The following SNHG17 variants were observed in gnomAD, a reference collection of about 807,000 sequenced individuals.
SNHG17 encodes the protein small nucleolar RNA host gene 17 (non-protein coding).
At chr20:38,426,167 C>T (rs2084245466) in intron 4 of SNHG17, 1 of 152,412 alleles carries the variant, frequency 6.6e-6, no homozygotes. Flanking sequence ...AGTACTCCTC[C>T]CACTTCAACA....
rs6128073 is a variant in SNHG17 at position 38,435,324 on chromosome 20, G to A, written n.58C>T. The stretch of plus-strand genomic sequence containing the variant: ...GCGAAGGACGGCGAGGGACGGCGAA[G>A]GACTGAGGCCACACGACAAGGAAGC... On this transcript the variant is annotated non_coding_transcript_exon_variant, in exon 1 of 9. Transcript: ENST00000654008. 1.3e-5 allele frequency: 16 copies of A among 1,231,270 alleles called. No individual in the cohort carries two copies. In the East Asian group the frequency reaches 1.9e-4, roughly 15 times the overall value. 76.3% of individuals were successfully genotyped at this position (1,231,270 alleles called of 1,614,324 possible).
At chr20:38,430,650 A>G (rs2084327957) in intron 3 of SNHG17, 1 of 152,334 alleles carries the variant, frequency 6.6e-6, no homozygotes, top group African/African-American at 2.4e-5. Context: ...TAAATAACAG[A>G]CTGGGCTGGA....
intron 3 of SNHG17, among the ~76,000 whole-genome samples, chr20:38,430,248 G>C (rs182849935): frequency 2.6e-5 from 4 of 152,158 alleles, no homozygotes; most frequent in Middle Eastern, 3.4e-3. Context: ...TTGAACCCGG[G>C]AAGTGGAGGT....
At chr20:38,434,006 AG>A (rs759947564) in intron 2 of SNHG17, 2 of 518,758 alleles carry the variant, frequency 3.9e-6, no homozygotes, top group South Asian at 2.8e-5. Context: ...GGTGCAAAAA[AG>A]GGCAGGTGAG....
At chr20:38,428,326 G>A (rs1423839418) in intron 3 of SNHG17, 1 of 152,210 alleles carries the variant, frequency 6.6e-6, no homozygotes, top group Non-Finnish European at 1.5e-5. Flanking sequence ...CTGGATCTGG[G>A]AATCCATAGG....
chr20:38,422,763 A>ACG (rs2084179209), intron 5 of SNHG17, among the ~76,000 whole-genome samples: 1 of 152,120 alleles, frequency 6.6e-6, no homozygotes, highest in Non-Finnish European at 1.5e-5. Context: ...ACACACACAC[A>ACG]CGCACACACA....
At chr20:38,434,441 T>C (rs1446310098) in intron 2 of SNHG17, 1 of 185,236 alleles carries the variant, frequency 5.4e-6, no homozygotes, top group East Asian at 1.6e-4. Flanking sequence ...TCATTGACTG[T>C]CCCCTCTACT....
chr20:38,434,843 C>T, intron 1 of SNHG17: 1 of 985,344 alleles, frequency 1.0e-6, no homozygotes, highest in South Asian at 4.7e-5. Flanking sequence ...ACTTTGTAGG[C>T]AACAGTCAAG....
chr20:38,429,851 T>C (rs1250976313), intron 3 of SNHG17: 1 of 510,030 alleles, frequency 2.0e-6, no homozygotes, highest in African/African-American at 1.9e-5. Context: ...ATGCTGGCAT[T>C]CCGGGCAATG....
At chr20:38,431,505 T>G (rs2084341373) in intron 2 of SNHG17, among the ~76,000 whole-genome samples, 1 of 152,178 alleles carries the variant, frequency 6.6e-6, no homozygotes, top group African/African-American at 2.4e-5. Context: ...ATGAAGCAGC[T>G]TCCATCTTGT....
At chr20:38,434,517 C>T (rs756818954) in exon 2 of SNHG17, 5 of 167,098 alleles carry the variant, frequency 3.0e-5, no homozygotes, top group Non-Finnish European at 3.9e-5. Context: ...GGGGCATTCT[C>T]ACCCCGCGGA....
chr20:38,430,942 C>T (rs2084332569), intron 3 of SNHG17: 2 of 152,838 alleles, frequency 1.3e-5, no homozygotes, highest in African/African-American at 4.8e-5. Flanking sequence ...GCAGCCTTCA[C>T]CGGTGTCCTC....
intron 3 of SNHG17, among the ~76,000 whole-genome samples, chr20:38,430,026 G>T (rs1257672819): frequency 2.6e-5 from 4 of 152,346 alleles, no homozygotes; most frequent in Middle Eastern, 3.4e-3. Context: ...TCTTCTCAAA[G>T]ACTGGGCTGG....
chr20:38,426,858 T>A (rs551212699), intron 3 of SNHG17, among the ~76,000 whole-genome samples: 2 of 150,682 alleles, frequency 1.3e-5, no homozygotes, highest in Non-Finnish European at 3.0e-5. Context: ...GTTTTGCCTC[T>A]CAGAACCCGG....
At chr20:38,434,223 A>T (rs970782762) in intron 2 of SNHG17, among the ~76,000 whole-genome samples, 1 of 152,238 alleles carries the variant, frequency 6.6e-6, no homozygotes, top group Non-Finnish European at 1.5e-5. Context: ...ACACGTGGAC[A>T]GGCACCGTGG....
At chr20:38,433,883 T>G (rs2084379917) in intron 2 of SNHG17, 1 of 518,764 alleles carries the variant, frequency 1.9e-6, no homozygotes, top group South Asian at 1.4e-5. Flanking sequence ...AGCTCCAGAG[T>G]TTGAAAGGGA....
exon 1 of SNHG17, chr20:38,435,309 G>A: frequency 8.1e-7 from 1 of 1,231,482 alleles, no homozygotes; most frequent in Admixed American, 4.2e-5. Flanking sequence ...GCGAAGGACG[G>A]CGAGGGACGG....
chr20:38,423,022 G>A (rs1466748605), intron 5 of SNHG17, among the ~76,000 whole-genome samples: 3 of 151,576 alleles, frequency 2.0e-5, no homozygotes, highest in Non-Finnish European at 4.4e-5. Context: ...AACCTGGGAG[G>A]TGGAGGTTGC....
chr20:38,426,092 T>C (rs1175191863), intron 4 of SNHG17: 3 of 149,212 alleles, frequency 2.0e-5, no homozygotes, highest in African/African-American at 7.5e-5. Flanking sequence ...CATAAATCAC[T>C]TCATAACAAG....
Sources: allele counts gnomAD v4.1 joint callset (sites outside exome capture counted in the v4.1 genomes callset), GRCh38; gene constraint gnomAD v4.1.1; transcripts MANE v1.5; gene names NCBI Gene and HGNC (gene_info 2026-07-23, HGNC 2026-07-21).